The following KTN1 variants were observed in gnomAD, a reference collection of about 807,000 sequenced individuals.
KTN1 encodes kinectin.
KTN1 carries 130 observed loss-of-function variants against 222.5 expected under a neutral mutation model. The ratio of observed to expected loss-of-function variants is 0.58; its 90% CI spans 0.51 to 0.68. The LOEUF (loss-of-function observed/expected upper bound fraction) is 0.68. Ranked by LOEUF, KTN1 falls within the 30% of genes least tolerant of loss-of-function variation. The pLI, the probability that KTN1 is intolerant of heterozygous loss-of-function variation, is 0.00. For synonymous variants in KTN1, 512 were observed against 496.3 expected (o/e 1.03, Z -0.42); for missense variants, 1,508 against 1,500.4 (o/e 1.01, Z -0.08).
chr14:55,600,705 T>C (rs2035845390), intron 1 of KTN1, among the ~76,000 whole-genome samples: 1 of 152,058 alleles, frequency 6.6e-6, no homozygotes, highest in Non-Finnish European at 1.5e-5. Context: ...TGTAGCTGTT[T>C]TACGGTATGA....
chr14:55,605,510 T>C (rs549820307), intron 1 of KTN1, among the ~76,000 whole-genome samples: 66 of 152,264 alleles, frequency 4.3e-4, no homozygotes, highest in Non-Finnish European at 6.9e-4. Flanking sequence ...CTGCCACGGG[T>C]ACTCTGGGCA....
chr14:55,662,221 C>T (rs1388975837), intron 32 of KTN1, among the ~76,000 whole-genome samples: 1 of 151,978 alleles, frequency 6.6e-6, no homozygotes, highest in Non-Finnish European at 1.5e-5. Context: ...CGTGCACCAC[C>T]ATACTCAGCT....
At chr14:55,636,305 T>G in intron 9 of KTN1, 144 bp from the exon 10 acceptor site, 1 of 608,314 alleles carries the variant, frequency 1.6e-6, no homozygotes, top group East Asian at 2.9e-5. Context: ...TATCTGCTTG[T>G]CTTATTGAAA....
In KTN1 at chr14:55,678,425, G is replaced by A; in HGVS notation, c.3929G>A (p.Ser1310Asn). ...GGAGACACTACTGTTATTGAAAATA[G>A]TGATGTTTCCCCAGAAACGGTATGT... is the stretch of plus-strand genomic sequence containing the variant. ...AAGDTTVIEN[S>N]DVSPETESSE... Residue 1310 changes from serine to asparagine, a missense_variant, in exon 42 of 44, where the codon AGT becomes AAT. By Grantham distance (46) the Ser-to-Asn change is conservative. Transcript: ENST00000395314. 6.2e-7 allele frequency: 1 copy of A among 1,606,742 alleles called. No homozygotes were observed. Among genetic ancestry groups the A allele is most frequent in the Non-Finnish European group, 8.5e-7 (1 of 1,173,390 alleles).
At position 55,619,269 on chromosome 14, in the gene KTN1, T is replaced by C. The variant is rs148680280; in HGVS notation, c.920T>C (p.Leu307Ser). ...GATGAGGCTCTTTGTGTTGTAGACT[T>C]GCTAAAGGAGAAGTCTGGTGTAATA... ...SEDEALCVVD[L>S]LKEKSGVIQD... The change falls in exon 5 of 44, where the codon TTG (leucine) becomes TCG (serine). Residue 307 changes from leucine to serine, a missense_variant. Coordinates refer to ENST00000395314, the MANE Select transcript of KTN1 (RefSeq NM_001079521.2). 1.5e-4 allele frequency: 243 copies of C among 1,613,654 alleles called. No homozygotes were observed. The African/African-American group carries it at 2.9e-3, about 19-fold the overall frequency.
In KTN1 at chr14:55,627,870, A is replaced by G. The variant is rs1398423969; in HGVS notation, c.964-42A>G. Reference sequence around the variant, plus strand: ...TCATTTTCATAATTTTTATTAGCCCATGGTAACTATTACTAATTCTGCATT... The same window carrying G: ...TCATTTTCATAATTTTTATTAGCCCGTGGTAACTATTACTAATTCTGCATT... On this transcript the variant is annotated intron_variant, in intron 5 of 43. Coordinates refer to ENST00000395314, the MANE Select transcript of KTN1 (RefSeq NM_001079521.2). 1.2e-5 allele frequency: 13 copies of G among 1,111,198 alleles called. No individual in the cohort carries two copies. The South Asian group carries it at 1.2e-4, about 11-fold the overall frequency. 68.8% of individuals were successfully genotyped at this position (1,111,198 alleles called of 1,614,324 possible).
chr14:55,606,454 T>G (rs2036737289), intron 1 of KTN1, among the ~76,000 whole-genome samples: 1 of 152,170 alleles, frequency 6.6e-6, no homozygotes, highest in Non-Finnish European at 1.5e-5. Context: ...GCTAATGGTT[T>G]TTTTGAGCCA....
chr14:55,581,008 C>G (rs1333952365), intron 1 of KTN1, among the ~76,000 whole-genome samples: 1 of 152,234 alleles, frequency 6.6e-6, no homozygotes, highest in South Asian at 2.1e-4. Context: ...AATCCATGGA[C>G]CACTCTCGAC....
intron 18 of KTN1, among the ~76,000 whole-genome samples, 189 bp from the exon 19 acceptor site, chr14:55,646,783 TG>T (rs1233727501): frequency 6.6e-6 from 1 of 152,086 alleles, no homozygotes; most frequent in Admixed American, 6.5e-5. Flanking sequence ...CTGTGTCTCT[TG>T]TGTAGATGTA....
At chr14:55,605,439 T>C (rs2036586642) in intron 1 of KTN1, among the ~76,000 whole-genome samples, 1 of 152,124 alleles carries the variant, frequency 6.6e-6, no homozygotes, top group East Asian at 1.9e-4. Context: ...TAATAATTTT[T>C]AAAAACCTTA....
At chr14:55,620,918 G>A (rs2039053592) in intron 5 of KTN1, among the ~76,000 whole-genome samples, 1 of 152,060 alleles carries the variant, frequency 6.6e-6, no homozygotes, top group African/African-American at 2.4e-5. Flanking sequence ...TCTTTTCTAT[G>A]GCATCATCAG....
chr14:55,642,894 T>C (rs1320861847), intron 18 of KTN1, among the ~76,000 whole-genome samples: 1 of 152,080 alleles, frequency 6.6e-6, no homozygotes, highest in Non-Finnish European at 1.5e-5. Context: ...TTAAATGGCA[T>C]TTAAGGCTTA....
At position 55,626,747 on chromosome 14, in the gene KTN1, G is replaced by A. The variant is rs114434177; in HGVS notation, c.964-1165G>A. On this transcript the variant is annotated intron_variant, in intron 5 of 43. Transcript: ENST00000395314. ...ATGTAAAATGATTTTTTTAGCCTTT[G>A]CTGCTTTTCAGATAAGAGGCTTAGG... Among the ~76,000 whole-genome samples, 1,501 of 152,150 alleles carry A rather than the reference G, an allele frequency of 9.9e-3. 24 individuals carry two copies. Among genetic ancestry groups the A allele is most frequent in the African/African-American group, 0.035 (1,445 of 41,502 alleles).
chr14:55,580,792 C>T (rs2031295464), intron 1 of KTN1, among the ~76,000 whole-genome samples: 1 of 152,144 alleles, frequency 6.6e-6, no homozygotes, highest in South Asian at 2.1e-4. Flanking sequence ...GGCCGGTGGA[C>T]GGAGGCAGCG....
chr14:55,637,343 GTC>G lies in KTN1; in HGVS notation c.1699_1700del (p.Leu567ThrfsTer12). ...AGCAGAAAAGGGTGAACAAAGAAGA[GTC>G]TCTACAAATGCAGGTTCAGGTATTT... is the stretch of plus-strand genomic sequence containing the variant. ...SEQKRVNKEE[S>X]LQMQVQDILE... On this transcript the variant is annotated frameshift_variant, in exon 11 of 44. Coordinates refer to ENST00000395314, the MANE Select transcript of KTN1 (RefSeq NM_001079521.2). LOFTEE classifies it high-confidence loss of function. 6.3e-7 allele frequency: 1 copy of G among 1,578,678 alleles called. No individual in the cohort carries two copies. Among genetic ancestry groups the G allele is most frequent in the Non-Finnish European group, 8.6e-7 (1 of 1,164,746 alleles).
At chr14:55,640,294 C>T (rs2041635752) in intron 14 of KTN1, 80 bp from the exon 15 acceptor site, 2 of 991,892 alleles carry the variant, frequency 2.0e-6, no homozygotes, top group African/African-American at 3.3e-5. Flanking sequence ...ATTTGCTTAA[C>T]TCTTTTGTAG....
chr14:55,636,563 C>G (rs1409094181), intron 10 of KTN1, 27 bp downstream of exon 10: 3 of 1,541,302 alleles, frequency 1.9e-6, no homozygotes, highest in African/African-American at 2.7e-5. Context: ...TTCATGTAAA[C>G]TTTGTATATA....
intron 7 of KTN1, 34 bp from the exon 8 acceptor site, chr14:55,633,201 T>C: frequency 7.9e-7 from 1 of 1,262,612 alleles, no homozygotes; most frequent in Non-Finnish European, 1.1e-6. Flanking sequence ...ACAGTCTTTG[T>C]TTTCTAAGTT....
chr14:55,600,804 T>C (rs2035862279), intron 1 of KTN1, among the ~76,000 whole-genome samples: 2 of 152,216 alleles, frequency 1.3e-5, no homozygotes, highest in Admixed American at 1.3e-4. Context: ...TGAAAACTGA[T>C]TTGAAAGACT....
Sources: gnomAD v4.1 joint callset for allele counts (sites outside exome capture counted in the v4.1 genomes callset) on GRCh38, gnomAD v4.1.1 for gene constraint, MANE v1.5 for transcripts, NCBI Gene and HGNC (gene_info 2026-07-23, HGNC 2026-07-21) for gene names.